Variants in PLXDC2 observed in about 807,000 individuals in gnomAD.
PLXDC2 encodes plexin domain containing 2, also known as plexin domain-containing protein 2.
Under a neutral mutation model 68.9 loss-of-function variants are expected in PLXDC2, and 40 were observed. The ratio of observed to expected loss-of-function variants is 0.58; its 90% CI spans 0.45 to 0.76. The LOEUF is 0.76. Among genes scored for constraint, PLXDC2 ranks in the 30% least tolerant of loss-of-function variants. PLXDC2 has a pLI of 0.00. For missense variants in PLXDC2, 644 were observed against 661.9 expected (o/e 0.97, Z 0.30); for synonymous variants, 243 against 234.2 (o/e 1.04, Z -0.34).
chr10:20,098,357 A>ATGTGTGTG (rs35209594), intron 4 of PLXDC2, among the ~76,000 whole-genome samples: 14,109 of 145,340 alleles, frequency 0.097, 820 homozygotes, highest in East Asian at 0.2. Context: ...GTGTGTGTGT[A>ATGTGTGTG]TGTGTGTGTG....
intron 9 of PLXDC2, among the ~76,000 whole-genome samples, chr10:20,191,772 G>A (rs545986103): frequency 2.0e-4 from 30 of 151,902 alleles, no homozygotes; most frequent in African/African-American, 6.3e-4. Context: ...AAACCTGCAC[G>A]TTGTGCACAT....
chr10:20,161,070 A>G (rs1834284630), intron 6 of PLXDC2, among the ~76,000 whole-genome samples: 1 of 152,192 alleles, frequency 6.6e-6, no homozygotes, highest in Admixed American at 6.5e-5. Flanking sequence ...CCCATATTCT[A>G]TTCTATTGGC....
intron 3 of PLXDC2, among the ~76,000 whole-genome samples, chr10:20,050,989 GC>G (rs1380253905): frequency 1.3e-5 from 2 of 152,048 alleles, no homozygotes; most frequent in African/African-American, 4.8e-5. Flanking sequence ...CAACCTAAAT[GC>G]CCATCAATGA....
chr10:20,065,541 C>T (rs973021548), intron 3 of PLXDC2, among the ~76,000 whole-genome samples: 1 of 152,108 alleles, frequency 6.6e-6, no homozygotes, highest in African/African-American at 2.4e-5. Context: ...TTGCATTTAT[C>T]GTGCACTTTA....
intron 1 of PLXDC2, among the ~76,000 whole-genome samples, chr10:19,889,559 A>T (rs554014389): frequency 6.6e-6 from 1 of 152,348 alleles, no homozygotes; most frequent in African/African-American, 2.4e-5. Flanking sequence ...TGCTAGGGTT[A>T]TAAAATGGAG....
rs1479818798 is a variant in PLXDC2, at chr10:20,081,640, A to G, written c.541+13401A>G. 3.3e-5 allele frequency among the ~76,000 whole-genome samples: 5 copies of G among 152,230 alleles called. No individual in the cohort carries two copies. The East Asian group carries it at 5.8e-4, about 18-fold the overall frequency. On this transcript the variant is annotated intron_variant, in intron 4 of 13. Transcript: ENST00000377252. ...TCACCAAAAAACCACATGTAGGCAT[A>G]TTATTTGCCAACAAACAAACAAACT... is the stretch of plus-strand genomic sequence containing the variant.
At chr10:19,957,969 A>G (rs1328966209) in intron 1 of PLXDC2, among the ~76,000 whole-genome samples, 1 of 152,072 alleles carries the variant, frequency 6.6e-6, no homozygotes, top group Non-Finnish European at 1.5e-5. Flanking sequence ...TCTGATTGTG[A>G]TCTCCTCAAG....
intron 1 of PLXDC2, among the ~76,000 whole-genome samples, chr10:19,954,659 A>G (rs990125201): frequency 6.6e-6 from 1 of 152,166 alleles, no homozygotes; most frequent in Non-Finnish European, 1.5e-5. Flanking sequence ...TTGGGGTTCT[A>G]TTTCCATTTA....
intron 1 of PLXDC2, among the ~76,000 whole-genome samples, chr10:19,910,578 T>C (rs574836854): frequency 5.0e-4 from 75 of 150,792 alleles, no homozygotes; most frequent in Non-Finnish European, 1.0e-3. Context: ...AGACATCACT[T>C]TTTAAGTGGT....
At chr10:19,967,251 A>G (rs1196619154) in intron 1 of PLXDC2, among the ~76,000 whole-genome samples, 1 of 152,222 alleles carries the variant, frequency 6.6e-6, no homozygotes, top group Non-Finnish European at 1.5e-5. Context: ...TTAGGGAACC[A>G]ATGTGAGTTC....
intron 1 of PLXDC2, among the ~76,000 whole-genome samples, chr10:19,948,847 A>G (rs1037667075): frequency 6.6e-6 from 1 of 152,150 alleles, no homozygotes; most frequent in Non-Finnish European, 1.5e-5. Context: ...TAAGTGCATT[A>G]GAATAGACAT....
intron 1 of PLXDC2, among the ~76,000 whole-genome samples, chr10:19,999,078 G>GA (rs908841757): frequency 6.6e-5 from 10 of 152,164 alleles, no homozygotes; most frequent in African/African-American, 2.2e-4. Flanking sequence ...AAGGCAGGAA[G>GA]AAAAAATAGG....
In PLXDC2 at chr10:20,284,330, T is replaced by TATATATATATATACAC. The variant is rs1484131963; in HGVS notation, c.*4512_*4513insTATATATATATACACA. The TATATATATATATACAC allele has an allele frequency of 2.7e-3, 347 of 126,318 alleles. 2 individuals carry two copies. Among genetic ancestry groups the TATATATATATATACAC allele is most frequent in the African/African-American group, 7.2e-3 (246 of 34,346 alleles). 7.8% of individuals were successfully genotyped at this position (126,318 alleles called of 1,614,324 possible). ...AAATATACATATATATATATATATA[T>TATATATATATATACAC]ACACACACACACACACACACACAAA... On this transcript the variant is annotated 3_prime_UTR_variant, in exon 14 of 14. Coordinates refer to ENST00000377252, the MANE Select transcript of PLXDC2 (RefSeq NM_032812.9).
intron 1 of PLXDC2, among the ~76,000 whole-genome samples, chr10:19,859,258 A>G (rs577354011): frequency 1.3e-5 from 2 of 152,134 alleles, no homozygotes; most frequent in African/African-American, 2.4e-5. Flanking sequence ...CAAACAAACA[A>G]ACAGACAAAA....
chr10:19,862,565 C>G (rs1837337488), intron 1 of PLXDC2, among the ~76,000 whole-genome samples: 1 of 152,118 alleles, frequency 6.6e-6, no homozygotes, highest in African/African-American at 2.4e-5. Context: ...GTGTTTTCTT[C>G]AAGTTTAAGA....
intron 1 of PLXDC2, among the ~76,000 whole-genome samples, chr10:19,985,762 A>G (rs1282988646): frequency 1.3e-5 from 2 of 152,210 alleles, no homozygotes; most frequent in East Asian, 3.9e-4. Flanking sequence ...TGAAGTCAAT[A>G]ATAGCGGAGG....
At chr10:20,039,887 T>C (rs4748633) in intron 2 of PLXDC2, among the ~76,000 whole-genome samples, 18,917 of 152,144 alleles carry the variant, frequency 0.12, 1,390 homozygotes, top group South Asian at 0.3. Flanking sequence ...TGAGTAGAAA[T>C]ATACACATTC....
At chr10:20,234,788 A>G (rs993964289) in intron 12 of PLXDC2, among the ~76,000 whole-genome samples, 4 of 151,940 alleles carry the variant, frequency 2.6e-5, no homozygotes, top group African/African-American at 9.7e-5. Flanking sequence ...ACCACAGCAA[A>G]TAGCAAAAAG....
At position 19,869,817 on chromosome 10, in the gene PLXDC2, C is replaced by T. The variant is rs191159675; in HGVS notation, c.112+52626C>T. Among the ~76,000 whole-genome samples the T allele has an allele frequency of 9.8e-3, 1,484 of 152,040 alleles. 14 individuals carry two copies. Among genetic ancestry groups the T allele is most frequent in the Non-Finnish European group, 0.014 (974 of 67,998 alleles). On this transcript the variant is annotated intron_variant, in intron 1 of 13. Transcript: ENST00000377252. The stretch of plus-strand genomic sequence containing the variant: ...TTTTTTAACTCCCCCACCACCCACT[C>T]CCCCGCCACTGCCAGCTCGCCTTAC...
Sources: allele counts gnomAD v4.1 joint callset (sites outside exome capture counted in the v4.1 genomes callset), GRCh38; gene constraint gnomAD v4.1.1; transcripts MANE v1.5; gene names NCBI Gene and HGNC (gene_info 2026-07-23, HGNC 2026-07-21).